The following GRM8 variants were observed in gnomAD, a reference collection of about 807,000 sequenced individuals.
GRM8 encodes glutamate metabotropic receptor 8, also known as metabotropic glutamate receptor 8.
A neutral mutation model predicts 87.2 loss-of-function variants in GRM8; 47 were observed. The observed-to-expected ratio is 0.54, with a 90% CI of 0.43 to 0.69. The LOEUF (loss-of-function observed/expected upper bound fraction) is 0.69. Among genes scored for constraint, GRM8 ranks in the 30% least tolerant of loss-of-function variants. The probability of loss-of-function intolerance (pLI) is 0.00; values close to 1 mark genes in which losing one functional copy is unlikely to be tolerated. For missense variants in GRM8, 1,019 were observed against 1,139.2 expected (o/e 0.89, Z 1.52); for synonymous variants, 396 against 404.5 (o/e 0.98, Z 0.25).
At chr7:126,496,874 C>G (rs139903263) in intron 9 of GRM8, among the ~76,000 whole-genome samples, 38 of 151,912 alleles carry the variant, frequency 2.5e-4, no homozygotes, top group Admixed American at 6.6e-4. Context: ...ATCTCCCCCC[C>G]ACAGGTGAAA....
intron 2 of GRM8, among the ~76,000 whole-genome samples, chr7:127,223,443 G>GCACGCA (rs1554615081): frequency 3.5e-5 from 5 of 143,980 alleles, no homozygotes; most frequent in African/African-American, 1.2e-4. Context: ...ACACACACAC[G>GCACGCA]CACACACACA....
chr7:126,556,519 C>T (rs913631595), intron 8 of GRM8, among the ~76,000 whole-genome samples: 7 of 151,916 alleles, frequency 4.6e-5, no homozygotes, highest in African/African-American at 1.2e-4. Context: ...TGGTGGCAGA[C>T]GCCTGTAATC....
At chr7:126,462,004 T>C (rs190212749) in intron 9 of GRM8, among the ~76,000 whole-genome samples, 172 of 151,774 alleles carry the variant, frequency 1.1e-3, no homozygotes, top group African/African-American at 4.0e-3. Flanking sequence ...TGGATATTTC[T>C]CACTTCTCAT....
At chr7:126,870,100 G>C (rs1178766612) in intron 6 of GRM8, 1 of 152,132 alleles carries the variant, frequency 6.6e-6, no homozygotes, top group African/African-American at 2.4e-5. Flanking sequence ...GTGCTTTTCT[G>C]TTATGTAGAT....
At chr7:127,031,173 T>C (rs1336097317) in intron 3 of GRM8, among the ~76,000 whole-genome samples, 2 of 152,154 alleles carry the variant, frequency 1.3e-5, no homozygotes, top group Non-Finnish European at 2.9e-5. Context: ...AAATCAGACC[T>C]CCACATCCTG....
At chr7:126,478,130 A>G (rs1806216620) in intron 9 of GRM8, among the ~76,000 whole-genome samples, 1 of 152,150 alleles carries the variant, frequency 6.6e-6, no homozygotes, top group Admixed American at 6.6e-5. Context: ...TCCATATAAG[A>G]TCACATTTAC....
In GRM8 at chr7:127,046,387, T is replaced by G. The variant is rs572426632; in HGVS notation, c.727+60109A>C. ...ACTCTGTCTCAAAAAAAATAAAAAATAAAAAAAAAAGAAAATCATTTTTTC... is the reference window on the plus strand; with the variant it reads ...ACTCTGTCTCAAAAAAAATAAAAAAGAAAAAAAAAAGAAAATCATTTTTTC... On this transcript the variant is annotated intron_variant, in intron 3 of 10. Transcript: ENST00000339582. Among the ~76,000 whole-genome samples, 45 of 148,244 alleles carry G rather than the reference T, an allele frequency of 3.0e-4. No homozygotes were observed. The South Asian group carries it at 7.1e-3, about 23-fold the overall frequency.
intron 6 of GRM8, among the ~76,000 whole-genome samples, chr7:126,794,457 G>A (rs1821740291): frequency 6.6e-6 from 1 of 152,100 alleles, no homozygotes; most frequent in African/African-American, 2.4e-5. Context: ...GAAGATAAAT[G>A]TATTTTATTT....
intron 6 of GRM8, chr7:126,869,979 C>T (rs1586262420): frequency 7.6e-6 from 1 of 130,792 alleles, no homozygotes; most frequent in African/African-American, 2.8e-5. Context: ...ATGGAATCTT[C>T]TTCTACATTG....
intron 3 of GRM8, among the ~76,000 whole-genome samples, chr7:126,949,717 A>G (rs904116059): frequency 1.3e-5 from 2 of 152,192 alleles, no homozygotes; most frequent in Non-Finnish European, 2.9e-5. Context: ...CTTATGTCTC[A>G]GCACCATCCA....
intron 2 of GRM8, among the ~76,000 whole-genome samples, chr7:127,214,845 A>C (rs1007933269): frequency 6.6e-6 from 1 of 152,204 alleles, no homozygotes; most frequent in African/African-American, 2.4e-5. Flanking sequence ...AGTTTTGAAT[A>C]TAATTATTTC....
chr7:126,992,829 A>ATGTGTG (rs536291684), intron 3 of GRM8, among the ~76,000 whole-genome samples: 4 of 137,648 alleles, frequency 2.9e-5, no homozygotes, highest in African/African-American at 8.0e-5. Flanking sequence ...GTGTGTGTGT[A>ATGTGTG]TGTGTGTGTG....
intron 3 of GRM8, among the ~76,000 whole-genome samples, chr7:126,926,098 C>T (rs1155657): frequency 0.78 from 118,321 of 151,996 alleles, 46,492 homozygotes; most frequent in East Asian, 0.97. Context: ...GTATGGTTAA[C>T]GTTCTCCTAA....
At chr7:127,207,513 C>T (rs1321451597) in intron 2 of GRM8, among the ~76,000 whole-genome samples, 1 of 152,166 alleles carries the variant, frequency 6.6e-6, no homozygotes, top group African/African-American at 2.4e-5. Context: ...GTACCAGCCA[C>T]CACAATAAGC....
chr7:126,632,922 C>T (rs575317592), intron 7 of GRM8, among the ~76,000 whole-genome samples: 9 of 151,922 alleles, frequency 5.9e-5, no homozygotes, highest in Non-Finnish European at 8.8e-5. Flanking sequence ...TATAGAGACA[C>T]GTTTTTTTAA....
At chr7:126,822,101 A>G (rs1390057135) in intron 6 of GRM8, among the ~76,000 whole-genome samples, 1 of 152,206 alleles carries the variant, frequency 6.6e-6, no homozygotes, top group East Asian at 1.9e-4. Context: ...AAGGCATCAT[A>G]TCAAGAGATC....
chr7:127,200,416 C>A (rs188477134), intron 2 of GRM8, among the ~76,000 whole-genome samples: 8 of 152,314 alleles, frequency 5.3e-5, no homozygotes, highest in Admixed American at 2.0e-4. Context: ...AAAGCAACAT[C>A]TTTACATCAC....
chr7:126,999,558 TC>T (rs1275068084), intron 3 of GRM8, among the ~76,000 whole-genome samples: 3 of 151,422 alleles, frequency 2.0e-5, no homozygotes, highest in Non-Finnish European at 4.4e-5. Context: ...AATACAATAA[TC>T]TGATGTTAAA....
At chr7:127,077,486 A>G (rs1822405258) in intron 3 of GRM8, among the ~76,000 whole-genome samples, 1 of 152,168 alleles carries the variant, frequency 6.6e-6, no homozygotes, top group African/African-American at 2.4e-5. Flanking sequence ...AGTTCTAGTT[A>G]TAGCCTAGCT....
Sources: allele counts gnomAD v4.1 joint callset (sites outside exome capture counted in the v4.1 genomes callset), GRCh38; gene constraint gnomAD v4.1.1; transcripts MANE v1.5; gene names NCBI Gene and HGNC (gene_info 2026-07-23, HGNC 2026-07-21).